OR2C1: variants seen among roughly 807,000 people sequenced by gnomAD.
OR2C1 encodes olfactory receptor 2C1.
For missense variants in OR2C1, 468 were observed against 388.3 expected (o/e 1.21, Z -1.73); for synonymous variants, 209 against 167.3 (o/e 1.25, Z -1.92).
At chr16:3,338,115 A>G in the OR2C1 span, among the ~76,000 whole-genome samples, 1 of 152,102 alleles carries the variant, frequency 6.6e-6, no homozygotes, top group Non-Finnish European at 1.5e-5. Flanking sequence ...AGGCTGGCTA[A>G]GGTTTGGGTC....
upstream of OR2C1, among the ~76,000 whole-genome samples, chr16:3,351,220 C>CTTTTCT (rs2030568599): frequency 5.4e-5 from 1 of 18,654 alleles, no homozygotes; most frequent in African/African-American, 2.1e-4. Context: ...TTTTCTTTTT[C>CTTTTCT]TTTTTCTTTT....
the OR2C1 span, among the ~76,000 whole-genome samples, chr16:3,342,436 G>C: frequency 3.3e-5 from 5 of 152,134 alleles, no homozygotes; most frequent in African/African-American, 1.2e-4. Context: ...ATTGCAAATG[G>C]GCCGGGTGCA....
chr16:3,339,021 T>A, the OR2C1 span, among the ~76,000 whole-genome samples: 1 of 152,144 alleles, frequency 6.6e-6, no homozygotes, highest in South Asian at 2.1e-4. Context: ...TGTTTTCCCC[T>A]CCCCACAGTC....
In OR2C1 at chr16:3,356,409, G is replaced by A. The variant is rs2030676628; in HGVS notation, c.469G>A (p.Val157Met). The change falls in exon 1 of 1, where the codon GTG (valine) becomes ATG (methionine). Residue 157 changes from valine to methionine, a missense_variant. Val to Met is a conservative substitution (Grantham distance 21). Transcript: ENST00000304936. Reference sequence around the variant, plus strand: ...CTGCCTGGGTGGCTTGGGCAACTCTGTGATCCAGTCAACATTCACTCTGCA... The same window carrying A: ...CTGCCTGGGTGGCTTGGGCAACTCTATGATCCAGTCAACATTCACTCTGCA... Reference protein sequence around the residue: ...IACLGGLGNSVIQSTFTLQLP... With the variant: ...IACLGGLGNSMIQSTFTLQLP... The A allele has an allele frequency of 6.2e-7, 1 of 1,613,826 alleles. No individual in the cohort carries two copies. Among genetic ancestry groups the A allele is most frequent in the Non-Finnish European group, 8.5e-7 (1 of 1,180,048 alleles).
rs373507551 is a variant in OR2C1, at chr16:3,356,514, A to G, written c.574A>G (p.Thr192Ala). The G allele has an allele frequency of 1.9e-6, 3 of 1,614,172 alleles. No homozygotes were observed. The Admixed American group carries it at 5.0e-5, about 27-fold the overall frequency. Reference sequence around the variant, plus strand: ...CATGATCAAACTGGCCTGTGGCGACACAAGTCTCAACCAGGCTGTGCTCAA... The same window carrying G: ...CATGATCAAACTGGCCTGTGGCGACGCAAGTCTCAACCAGGCTGTGCTCAA... ...PAMIKLACGD[T>A]SLNQAVLNGV... The change falls in exon 1 of 1, where the codon ACA (threonine) becomes GCA (alanine). Residue 192 changes from threonine (T) to alanine (A), a missense_variant. Physicochemically the swap from Thr to Ala is moderately conservative, Grantham distance 58 (BLOSUM62 0). Coordinates refer to ENST00000304936, the MANE Select transcript of OR2C1 (RefSeq NM_012368.3).
At chr16:3,334,296 C>G in the OR2C1 span, among the ~76,000 whole-genome samples, 1 of 146,676 alleles carries the variant, frequency 6.8e-6, no homozygotes, top group Admixed American at 7.0e-5. Context: ...TACCACCATG[C>G]CCAGCTAATT....
chr16:3,356,113 C>A lies in OR2C1; in HGVS notation c.173C>A (p.Pro58His). 1 of 1,614,188 alleles carries A rather than the reference C, an allele frequency of 6.2e-7. No individual in the cohort carries two copies. Among genetic ancestry groups the A allele is most frequent in the Non-Finnish European group, 8.5e-7 (1 of 1,180,032 alleles). The stretch of plus-strand genomic sequence containing the variant: ...CGCCTGGAGGCCCGGCTCCATACAC[C>A]CATGTACTTCTTCCTCAGCAACCTC... ...LSRLEARLHT[P>H]MYFFLSNLSS... Residue 58 changes from proline (P) to histidine (H), a missense_variant, in exon 1 of 1, where the codon CCC becomes CAC. Pro to His is a moderately conservative substitution (Grantham distance 77). Coordinates refer to ENST00000304936, the MANE Select transcript of OR2C1 (RefSeq NM_012368.3).
At chr16:3,330,083 T>G in the OR2C1 span, among the ~76,000 whole-genome samples, 1 of 149,036 alleles carries the variant, frequency 6.7e-6, no homozygotes, top group Non-Finnish European at 1.5e-5. Context: ...AGAAAAAGTG[T>G]GTTTGTTTTT....
the OR2C1 span, among the ~76,000 whole-genome samples, chr16:3,344,337 T>G: frequency 6.6e-6 from 1 of 152,146 alleles, no homozygotes; most frequent in Admixed American, 6.6e-5. Flanking sequence ...TAAAAATAGC[T>G]AACATATTTA....
At position 3,357,139 on chromosome 16, in the gene OR2C1, T is replaced by C. The variant is rs2030695040; in HGVS notation, c.*260T>C. On this transcript the variant is annotated 3_prime_UTR_variant, in exon 1 of 1. Coordinates refer to ENST00000304936, the MANE Select transcript of OR2C1 (RefSeq NM_012368.3). The stretch of plus-strand genomic sequence containing the variant: ...GTTGAGGGCTCAGAGGTTATTGACC[T>C]GTGACAGACCTGTCTCACTGTCTCT... The C allele has an allele frequency of 4.7e-6, 2 of 422,068 alleles. No individual in the cohort carries two copies. The highest frequency in any genetic ancestry group is 8.8e-6 in the Non-Finnish European group (2 of 226,578). 26.1% of individuals were successfully genotyped at this position (422,068 alleles called of 1,614,324 possible).
rs766743478 is a variant in OR2C1, at chr16:3,355,966, T to A, written c.26T>A (p.Leu9Ter). The change falls in exon 1 of 1, where the codon TTG (leucine) becomes TAG (stop). Residue 9 changes from leucine to a stop codon, truncating the protein, a stop_gained. Transcript: ENST00000304936. LOFTEE classifies it low-confidence loss of function (END_TRUNC). Reference sequence around the variant, plus strand: ...ATGGACGGGGTGAATGATAGCTCCTTGCAGGGCTTTGTTCTGATGGGCATA... The same window carrying A: ...ATGGACGGGGTGAATGATAGCTCCTAGCAGGGCTTTGTTCTGATGGGCATA... MDGVNDSS[L>*]QGFVLMGISD... The A allele has an allele frequency of 5.0e-6, 8 of 1,612,464 alleles. No individual in the cohort carries two copies. Among genetic ancestry groups the A allele is most frequent in the Non-Finnish European group, 6.8e-6 (8 of 1,179,058 alleles).
the OR2C1 span, among the ~76,000 whole-genome samples, chr16:3,338,527 A>G: frequency 3.9e-5 from 4 of 103,644 alleles, no homozygotes; most frequent in East Asian, 1.4e-3. Context: ...ACAGGAGTCA[A>G]GTATAGGTAC....
At chr16:3,351,923 T>C (rs567935684), upstream of OR2C1, among the ~76,000 whole-genome samples, 234 of 149,088 alleles carry the variant, frequency 1.6e-3, 2 homozygotes, top group African/African-American at 5.4e-3. Context: ...TGTAAGATCC[T>C]GGGCTTATTA....
At chr16:3,339,469 GT>G in the OR2C1 span, among the ~76,000 whole-genome samples, 2 of 151,750 alleles carry the variant, frequency 1.3e-5, no homozygotes, top group Admixed American at 1.3e-4. Context: ...TTTACTTTTT[GT>G]TTTTGAGATG....
chr16:3,351,615 A>T (rs1057055860), upstream of OR2C1, among the ~76,000 whole-genome samples: 3 of 152,082 alleles, frequency 2.0e-5, no homozygotes, highest in Admixed American at 6.6e-5. Flanking sequence ...GTACTCCATT[A>T]TCCTTTTTAA....
the OR2C1 span, among the ~76,000 whole-genome samples, chr16:3,332,376 G>A: frequency 1.3e-4 from 20 of 152,070 alleles, no homozygotes; most frequent in Non-Finnish European, 2.5e-4. Flanking sequence ...GATTACAGAC[G>A]TTCTTCTAGC....
chr16:3,336,557 C>T, the OR2C1 span, among the ~76,000 whole-genome samples: 19 of 151,870 alleles, frequency 1.3e-4, 1 homozygote, highest in East Asian at 2.3e-3. Flanking sequence ...GATGGAGTTT[C>T]GCCATGTTGA....
chr16:3,328,567 T>G, the OR2C1 span, among the ~76,000 whole-genome samples: 2 of 152,186 alleles, frequency 1.3e-5, no homozygotes, highest in Admixed American at 6.5e-5. Context: ...ACCTGTCTCC[T>G]GGGAGGACAA....
chr16:3,325,082 A>T, the OR2C1 span, among the ~76,000 whole-genome samples: 1 of 152,092 alleles, frequency 6.6e-6, no homozygotes, highest in South Asian at 2.1e-4. Context: ...CCCAGGTTCA[A>T]GTGGTTCTTT....
Sources: allele counts gnomAD v4.1 joint callset (sites outside exome capture counted in the v4.1 genomes callset), GRCh38; gene constraint gnomAD v4.1.1; transcripts MANE v1.5; gene names NCBI Gene and HGNC (gene_info 2026-07-23, HGNC 2026-07-21).